The following FSTL4 variants were observed in gnomAD, a reference collection of about 807,000 sequenced individuals.
FSTL4 encodes the protein follistatin like 4.
A neutral mutation model predicts 78.2 loss-of-function variants in FSTL4; 28 were observed. The ratio of observed to expected loss-of-function variants is 0.36; its 90% CI spans 0.27 to 0.49. FSTL4 has a LOEUF of 0.49. Ranked by LOEUF, FSTL4 falls within the 20% of genes least tolerant of loss-of-function variation. The pLI is 0.98. For synonymous variants in FSTL4, 422 were observed against 440.5 expected (o/e 0.96, Z 0.53); for missense variants, 922 against 1,084.9 (o/e 0.85, Z 2.11).
At chr5:133,531,112 C>T (rs1295783057) in intron 3 of FSTL4, among the ~76,000 whole-genome samples, 1 of 152,240 alleles carries the variant, frequency 6.6e-6, no homozygotes, top group Non-Finnish European at 1.5e-5. Flanking sequence ...GACACACGGA[C>T]TGACCCCTCC....
At chr5:133,605,906 G>A (rs1166693039) in intron 1 of FSTL4, among the ~76,000 whole-genome samples, 1 of 152,140 alleles carries the variant, frequency 6.6e-6, no homozygotes, top group African/African-American at 2.4e-5. Flanking sequence ...GAAGAAGGCA[G>A]AGTTGAGTGG....
chr5:133,648,778 C>A, the FSTL4 span, among the ~76,000 whole-genome samples: 1 of 152,032 alleles, frequency 6.6e-6, no homozygotes, highest in African/African-American at 2.4e-5. Context: ...TTCTACATAC[C>A]CCCACCTCCC....
At chr5:133,803,136 C>A in the FSTL4 span, among the ~76,000 whole-genome samples, 1 of 152,196 alleles carries the variant, frequency 6.6e-6, no homozygotes, top group Non-Finnish European at 1.5e-5. Flanking sequence ...CTGGATCTGA[C>A]CTTACCTGAA....
intron 12 of FSTL4, among the ~76,000 whole-genome samples, chr5:133,217,800 T>A (rs1750963359): frequency 6.6e-6 from 1 of 152,142 alleles, no homozygotes; most frequent in African/African-American, 2.4e-5. Context: ...CAACATGGAC[T>A]CCCCACTTAT....
intron 4 of FSTL4, among the ~76,000 whole-genome samples, chr5:133,332,992 CCTCT>C (rs1035793930): frequency 4.6e-5 from 7 of 151,346 alleles, no homozygotes; most frequent in East Asian, 1.9e-4. Flanking sequence ...GTGCAGGTGT[CCTCT>C]CTCTCTCTGT....
intron 2 of FSTL4, among the ~76,000 whole-genome samples, chr5:133,599,919 AG>A (rs1330262424): frequency 6.6e-6 from 1 of 152,248 alleles, no homozygotes; most frequent in Non-Finnish European, 1.5e-5. Context: ...TCTCAAAAGC[AG>A]GTATGCTCTC....
rs1554108980 is a variant in FSTL4, at chr5:133,372,245, CTATG to C, written c.409+28489_409+28492del. Among the ~76,000 whole-genome samples, 14 of 140,220 alleles carry C rather than the reference CTATG, an allele frequency of 1.0e-4. No individual in the cohort carries two copies. The East Asian group carries it at 1.1e-3, about 11-fold the overall frequency. The allele number at this position is 140,220 out of a possible 152,430, so 92.0% of individuals were successfully genotyped here. On this transcript the variant is annotated intron_variant, in intron 4 of 15. Transcript: ENST00000265342. ...TCTATGTATCTATGTATCTATGTAT[CTATG>C]TATGTATGTATGTATGTATGTATCT... is the stretch of plus-strand genomic sequence containing the variant.
At chr5:133,627,909 G>A in the FSTL4 span, among the ~76,000 whole-genome samples, 3 of 151,220 alleles carry the variant, frequency 2.0e-5, no homozygotes, top group South Asian at 6.3e-4. Flanking sequence ...TTTATCTGTA[G>A]TGTTTTTGAG....
intron 14 of FSTL4, among the ~76,000 whole-genome samples, chr5:133,206,854 C>CCTT (rs1470528933): frequency 2.0e-5 from 3 of 152,054 alleles, no homozygotes; most frequent in African/African-American, 7.2e-5. Context: ...TTAAATACTT[C>CCTT]CTTTTCAGGC....
chr5:133,218,458 C>T (rs112155883), intron 12 of FSTL4, among the ~76,000 whole-genome samples: 3 of 152,260 alleles, frequency 2.0e-5, no homozygotes, highest in African/African-American at 7.2e-5. Flanking sequence ...GATCATGTGA[C>T]TCCTCTTTCT....
the FSTL4 span, among the ~76,000 whole-genome samples, chr5:133,841,147 G>A: frequency 6.6e-6 from 1 of 152,212 alleles, no homozygotes; most frequent in Non-Finnish European, 1.5e-5. Context: ...GGAAGAAGGA[G>A]GCAATTTCTC....
chr5:133,835,258 C>A, the FSTL4 span, among the ~76,000 whole-genome samples: 1 of 152,176 alleles, frequency 6.6e-6, no homozygotes, highest in African/African-American at 2.4e-5. Flanking sequence ...TTGATTCTTG[C>A]TACTGACTCT....
intron 5 of FSTL4, among the ~76,000 whole-genome samples, chr5:133,314,429 A>G (rs2126889931): frequency 6.6e-6 from 1 of 152,356 alleles, no homozygotes; most frequent in South Asian, 2.1e-4. Flanking sequence ...GAGCAGAGTC[A>G]TCTGAGATTC....
intron 8 of FSTL4, among the ~76,000 whole-genome samples, chr5:133,227,815 G>A (rs1208318854): frequency 6.6e-6 from 1 of 152,134 alleles, no homozygotes; most frequent in Non-Finnish European, 1.5e-5. Flanking sequence ...CCAAATTCCT[G>A]GGATGTTTGA....
chr5:133,433,133 A>T (rs1756973980), intron 3 of FSTL4, among the ~76,000 whole-genome samples: 1 of 152,250 alleles, frequency 6.6e-6, no homozygotes, highest in Non-Finnish European at 1.5e-5. Context: ...TCTCTTTTTC[A>T]GTGAACTAAA....
At chr5:133,248,836 G>C (rs1241400281) in intron 7 of FSTL4, 2 of 156,356 alleles carry the variant, frequency 1.3e-5, no homozygotes, top group East Asian at 3.7e-4. Context: ...CGTCCCCAAG[G>C]TGGGTCCCCT....
chr5:133,559,429 G>A (rs1241070364), intron 3 of FSTL4, among the ~76,000 whole-genome samples: 1 of 152,186 alleles, frequency 6.6e-6, no homozygotes, highest in Non-Finnish European at 1.5e-5. Flanking sequence ...CTCCTGGGTA[G>A]GGTGGGGACC....
At position 133,341,225 on chromosome 5, in the gene FSTL4, AT is replaced by A. The variant is rs1242311488; in HGVS notation, c.410-24574del. ...TGAATATGTTTGAGTTCCTGCTCAC[AT>A]TTTTTTTTTTTTTTTTTTACTTAGG... On this transcript the variant is annotated intron_variant, in intron 4 of 15. Transcript: ENST00000265342. Among the ~76,000 whole-genome samples, 590 of 125,448 alleles carry A rather than the reference AT, an allele frequency of 4.7e-3. 3 individuals carry two copies. The highest frequency in any genetic ancestry group is 0.013 in the Middle Eastern group (3 of 238). 82.3% of individuals were successfully genotyped at this position (125,448 alleles called of 152,430 possible).
At chr5:133,210,141 GTTC>G (rs1561619567) in intron 14 of FSTL4, 47 bp downstream of exon 14, 1 of 942,284 alleles carries the variant, frequency 1.1e-6, no homozygotes. Flanking sequence ...TAGGGAGAGA[GTTC>G]TTCTCTCAGT....
Sources: allele counts gnomAD v4.1 joint callset (sites outside exome capture counted in the v4.1 genomes callset), GRCh38; gene constraint gnomAD v4.1.1; transcripts MANE v1.5; gene names NCBI Gene and HGNC (gene_info 2026-07-23, HGNC 2026-07-21).